The following MAP1S variants were observed in gnomAD, a reference collection of about 807,000 sequenced individuals.
MAP1S encodes the protein microtubule associated protein 1S.
In MAP1S, 27 loss-of-function variants were observed where a neutral mutation model predicts 60.9. The observed-to-expected ratio is 0.44, with a 90% confidence interval of 0.33 to 0.61. The LOEUF is 0.61. MAP1S is among the 20% of genes least tolerant of loss of function. The probability of loss-of-function intolerance (pLI) is 0.03; values close to 1 mark genes in which losing one functional copy is unlikely to be tolerated. For missense variants in MAP1S, 1,608 were observed against 1,486.6 expected (o/e 1.08, Z -1.34); for synonymous variants, 826 against 694.2 (o/e 1.19, Z -2.98).
At position 17,725,729 on chromosome 19, in the gene MAP1S, G is replaced by C. The variant is rs1376033815; in HGVS notation, c.445-100G>C. ...TTTGGCGGGAGGGCCCTGAGGAGCA[G>C]GCCCTGGGGGAAAGGATGAGGGTGT... On this transcript the variant is annotated intron_variant, in intron 4 of 6. Coordinates refer to ENST00000324096, the MANE Select transcript of MAP1S (RefSeq NM_018174.6). The surrounding 1 kb of genome is among the most constrained non-coding windows in gnomAD (Gnocchi z 4.2). 31 of 1,250,114 alleles carry C rather than the reference G, an allele frequency of 2.5e-5. No individual in the cohort carries two copies. In the Admixed American group the frequency reaches 4.5e-4, roughly 18 times the overall value. The allele number at this position is 1,250,114 out of a possible 1,614,324, so 77.4% of individuals were successfully genotyped here.
chr19:17,728,157 A>G lies in MAP1S; in HGVS notation c.2773A>G (p.Thr925Ala), dbSNP rs1041106402. Residue 925 changes from threonine to alanine, a missense_variant, in exon 5 of 7, where the codon ACT becomes GCT. Physicochemically the swap from Thr to Ala is moderately conservative, Grantham distance 58. Around this residue, in one of 4 missense-constraint regions of MAP1S, gnomAD observed 1,167 missense variants for 961.4 expected, o/e 1.21. Coordinates refer to ENST00000324096, the MANE Select transcript of MAP1S (RefSeq NM_018174.6). ...SRKSSTPKTATRGPSGSASSR... is the reference protein window; with the variant it reads ...SRKSSTPKTAARGPSGSASSR... Reference sequence around the variant, plus strand: ...AAAGTCCTCAACCCCCAAGACTGCCACTCGAGGCCCGTCGGGTGAGTACTG... The same window carrying G: ...AAAGTCCTCAACCCCCAAGACTGCCGCTCGAGGCCCGTCGGGTGAGTACTG... 1.2e-5 allele frequency: 19 copies of G among 1,591,450 alleles called. No homozygotes were observed. The highest frequency in any genetic ancestry group is 6.8e-5 in the East Asian group (3 of 44,348).
chr19:17,731,502 C>G (rs2080493094), intron 5 of MAP1S, among the ~76,000 whole-genome samples: 1 of 152,188 alleles, frequency 6.6e-6, no homozygotes, highest in Non-Finnish European at 1.5e-5. Flanking sequence ...GTTTTGATTA[C>G]TGTAGCTTTG....
rs1342592330 is a variant in MAP1S, at chr19:17,726,998, G to A, written c.1614G>A (p.Pro538=). 7 of 1,578,810 alleles carry A rather than the reference G, an allele frequency of 4.4e-6. No homozygotes were observed. In the East Asian group the frequency reaches 9.3e-5, roughly 21 times the overall value. ...AACCGAGTGTCTCCCGGACCCAGCC[G>A]CGGGAGGTGCGCCGGGCAGCCTCTT... is the stretch of plus-strand genomic sequence containing the variant. ...DPKPSVSRTQ[P]REVRRAASSV... is the part of the protein sequence containing the mutation. The change falls in exon 5 of 7, where the codon CCG becomes CCA. Residue 538 remains proline (P), a synonymous_variant. Coordinates refer to ENST00000324096, the MANE Select transcript of MAP1S (RefSeq NM_018174.6).
intron 5 of MAP1S, among the ~76,000 whole-genome samples, chr19:17,732,319 A>G (rs1470243938): frequency 6.6e-6 from 1 of 152,180 alleles, no homozygotes; most frequent in East Asian, 1.9e-4. Context: ...ATTTGTTGGT[A>G]TACAGACGGG....
In MAP1S at chr19:17,734,362, G is replaced by T. The variant is rs773240016; in HGVS notation, c.3114G>T (p.Val1038=). 2 of 1,613,840 alleles carry T rather than the reference G, an allele frequency of 1.2e-6. No homozygotes were observed. The highest frequency in any genetic ancestry group is 1.7e-6 in the Non-Finnish European group (2 of 1,180,008). ...GGCACCAGGCGCTGGGCATCACGGTGTTGGGCAGCAACAGCATGGTGTCCA... is the reference window on the plus strand; with the variant it reads ...GGCACCAGGCGCTGGGCATCACGGTTTTGGGCAGCAACAGCATGGTGTCCA... ...HARHQALGIT[V]LGSNSMVSMQ... Residue 1038 remains valine (V), a synonymous_variant, in exon 7 of 7, where the codon GTG becomes GTT. Coordinates refer to ENST00000324096, the MANE Select transcript of MAP1S (RefSeq NM_018174.6).
At chr19:17,729,913 G>A (rs578215685) in intron 5 of MAP1S, among the ~76,000 whole-genome samples, 2 of 152,170 alleles carry the variant, frequency 1.3e-5, no homozygotes, top group South Asian at 2.1e-4. Flanking sequence ...TGCCCGCCTC[G>A]GCCTCCCAAA....
intron 6 of MAP1S, 28 bp downstream of exon 6, chr19:17,733,456 G>C: frequency 6.5e-7 from 1 of 1,536,844 alleles, no homozygotes; most frequent in Non-Finnish European, 8.8e-7. Flanking sequence ...GCCTCTGGTG[G>C]TAAGTGTAGT....
rs747928638 is a variant in MAP1S, at chr19:17,727,920, G to A, written c.2536G>A (p.Glu846Lys). ...ATCCAGCATCTGCATGGTGGACCCC[G>A]AGATGCTGCCCCCCAAGACAGCACG... ...DPSSICMVDPEMLPPKTARQT... is the reference protein window; with the variant it reads ...DPSSICMVDPKMLPPKTARQT... Residue 846 changes from glutamate (E) to lysine (K), a missense_variant, in exon 5 of 7, where the codon GAG becomes AAG. Transcript: ENST00000324096. The surrounding 1 kb of genome is among the most constrained non-coding windows in gnomAD (Gnocchi z 4.1). The A allele has an allele frequency of 1.2e-5, 20 of 1,610,946 alleles. No homozygotes were observed. The highest frequency in any genetic ancestry group is 6.7e-5 in the Admixed American group (4 of 59,872).
Position 17,733,184 on chromosome 19 carries a change from C to A in MAP1S, c.2789-9C>A. ...GCTCATCCCTGCCTCCCCATCCCCC[C>A]GCCCGCAGGGTCAGCCAGCAGCCGG... is the stretch of plus-strand genomic sequence containing the variant. On this transcript the variant is annotated splice_polypyrimidine_tract_variant and intron_variant, in intron 5 of 6. Transcript: ENST00000324096. The A allele has an allele frequency of 6.6e-7, 1 of 1,522,506 alleles. No individual in the cohort carries two copies. Among genetic ancestry groups the A allele is most frequent in the Non-Finnish European group, 8.8e-7 (1 of 1,130,166 alleles). The allele number at this position is 1,522,506 out of a possible 1,614,324, so 94.3% of individuals were successfully genotyped here. A position where few individuals can be genotyped will look rare whatever the true frequency, so the allele number is the denominator to read the frequency against.
chr19:17,724,391 G>A (rs1244930490), intron 3 of MAP1S, among the ~76,000 whole-genome samples, 183 bp downstream of exon 3: 1 of 152,136 alleles, frequency 6.6e-6, no homozygotes, highest in Non-Finnish European at 1.5e-5. Flanking sequence ...CCTCTGGGGT[G>A]GGAGCAGAAA....
rs771993343 is a variant in MAP1S at position 17,727,662 on chromosome 19, C to T, written c.2278C>T (p.Pro760Ser). 1.2e-6 allele frequency: 2 copies of T among 1,609,124 alleles called. No homozygotes were observed. The highest frequency in any genetic ancestry group is 1.1e-5 in the South Asian group (1 of 91,002). Reference sequence around the variant, plus strand: ...GCCAATGGCACCGGCACCTGCGTCCCCCGGCAGCTCGAATGACAGCAGTGC... The same window carrying T: ...GCCAATGGCACCGGCACCTGCGTCCTCCGGCAGCTCGAATGACAGCAGTGC... ...AVPMAPAPAS[P>S]GSSNDSSARS... Residue 760 changes from proline to serine, a missense_variant, in exon 5 of 7, where the codon CCC becomes TCC. Pro to Ser is a moderately conservative substitution (Grantham distance 74). Transcript: ENST00000324096. The surrounding 1 kb of genome is among the most constrained non-coding windows in gnomAD (Gnocchi z 4.1).
At chr19:17,732,987 G>A (rs1007459762) in intron 5 of MAP1S, 99 of 540,888 alleles carry the variant, frequency 1.8e-4, no homozygotes, top group Admixed American at 5.3e-4. Context: ...AGGAGTTTGT[G>A]ACGAGCCTGG....
Position 17,721,048 on chromosome 19 carries a change from G to C in MAP1S, c.220+11G>C. On this transcript the variant is annotated intron_variant, in intron 2 of 6. Coordinates refer to ENST00000324096, the MANE Select transcript of MAP1S (RefSeq NM_018174.6). ...CCAGCATTGTGAAAGGTGAGGCTGG[G>C]GTCCCCCTGACTGCTCCCTACCTCT... 6.2e-7 allele frequency: 1 copy of C among 1,611,660 alleles called. No individual in the cohort carries two copies. The highest frequency in any genetic ancestry group is 8.5e-7 in the Non-Finnish European group (1 of 1,177,736).
chr19:17,720,076 T>G, intron 1 of MAP1S: 3 of 1,121,484 alleles, frequency 2.7e-6, no homozygotes, highest in East Asian at 5.2e-5. Context: ...CGGGGCCCGC[T>G]TTCTGTTGCC....
In MAP1S at chr19:17,727,440, G is replaced by T; in HGVS notation, c.2056G>T (p.Val686Leu). 2.5e-6 allele frequency: 4 copies of T among 1,603,576 alleles called. No homozygotes were observed. The highest frequency in any genetic ancestry group is 3.4e-6 in the Non-Finnish European group (4 of 1,175,646). Residue 686 changes from valine to leucine, a missense_variant, in exon 5 of 7, where the codon GTG becomes TTG. Transcript: ENST00000324096. The surrounding 1 kb of genome is among the most constrained non-coding windows in gnomAD (Gnocchi z 4.1). ...TVTTPSLPAE[V>L]GSPHSTEVDE... ...GACCACGCCCTCACTACCCGCAGAGGTGGGCTCCCCGCACTCGACCGAGGT... is the reference window on the plus strand; with the variant it reads ...GACCACGCCCTCACTACCCGCAGAGTTGGGCTCCCCGCACTCGACCGAGGT...
At chr19:17,720,137 A>G in intron 1 of MAP1S, 1 of 1,287,708 alleles carries the variant, frequency 7.8e-7, no homozygotes, top group Non-Finnish European at 9.8e-7. Context: ...TGCCCTGGGG[A>G]TTTGGCACCT....
At position 17,726,318 on chromosome 19, in the gene MAP1S, C is replaced by T. The variant is rs1394482733; in HGVS notation, c.934C>T (p.Arg312Cys). Residue 312 changes from arginine to cysteine, a missense_variant, in exon 5 of 7, where the codon CGC (arginine) becomes TGC (cysteine). Arg to Cys is a radical substitution (Grantham distance 180). Coordinates refer to ENST00000324096, the MANE Select transcript of MAP1S (RefSeq NM_018174.6). ...CCTGCTGCGGCGCAAACTGGCGGAG[C>T]GCTCCGAGGTGGCTGCTGGTGGGGG... is the stretch of plus-strand genomic sequence containing the variant. ...NSLLRRKLAE[R>C]SEVAAGGGSW... The T allele has an allele frequency of 2.5e-6, 4 of 1,604,758 alleles. No individual in the cohort carries two copies. The highest frequency in any genetic ancestry group is 3.4e-6 in the Non-Finnish European group (4 of 1,178,462).
At chr19:17,724,055 G>A (rs1599455048) in intron 2 of MAP1S, 71 bp from the exon 3 acceptor site, 1 of 1,214,434 alleles carries the variant, frequency 8.2e-7, no homozygotes, top group South Asian at 1.2e-5. Context: ...GGTTCCCAGA[G>A]GGGTTCATGT....
In MAP1S at chr19:17,733,053, C is replaced by T; in HGVS notation, c.2789-140C>T. 5.0e-6 allele frequency: 3 copies of T among 597,988 alleles called. No individual in the cohort carries two copies. The South Asian group carries it at 6.2e-5, about 12-fold the overall frequency. 37.0% of individuals were successfully genotyped at this position (597,988 alleles called of 1,614,324 possible). A position where few individuals can be genotyped will look rare whatever the true frequency, so the allele number is the denominator to read the frequency against. On this transcript the variant is annotated intron_variant, in intron 5 of 6. Transcript: ENST00000324096. ...AAGATTCACTGGAGTCATGAGCGCA[C>T]CAGGCCTCCCCAGAAAACTCTGAGT...
Sources: gnomAD v4.1 joint callset for allele counts (sites outside exome capture counted in the v4.1 genomes callset) on GRCh38, gnomAD v4.1.1 for gene constraint, gnomAD v4.1.1 regional missense constraint, Gnocchi (gnomAD v3.1) non-coding constraint, MANE v1.5 for transcripts, NCBI Gene and HGNC (gene_info 2026-07-23, HGNC 2026-07-21) for gene names.